Variants in DDX60 observed in about 807,000 individuals in gnomAD.
DDX60 encodes the protein probable ATP-dependent RNA helicase DDX60.
A neutral mutation model predicts 212.8 loss-of-function variants in DDX60; 165 were observed. The ratio of observed to expected loss-of-function variants is 0.78; its 90% CI spans 0.68 to 0.88. DDX60 has a LOEUF of 0.88. Ranked by LOEUF, DDX60 falls within the 40% of genes least tolerant of loss-of-function variation. The pLI is 0.00. For missense variants in DDX60, 1,905 were observed against 2,003.9 expected, an observed-to-expected ratio of 0.95 and a Z score of 0.94; for synonymous variants, 703 against 685.3, an observed-to-expected ratio of 1.03 and a Z score of -0.40.
In DDX60 at chr4:168,278,994, C is replaced by T. The variant is rs181233454; in HGVS notation, c.1978+1341G>A. 2.8e-4 allele frequency among the ~76,000 whole-genome samples: 43 copies of T among 152,184 alleles called. 1 individual carries two copies. Among genetic ancestry groups the T allele is most frequent in the South Asian group, 1.5e-3 (7 of 4,820 alleles). Reference sequence around the variant, plus strand: ...AACCAGGCTCTTCTGGAAGAAGATGCCCAATAGAACCTACACATTCATAAA... The same window carrying T: ...AACCAGGCTCTTCTGGAAGAAGATGTCCAATAGAACCTACACATTCATAAA... On this transcript the variant is annotated intron_variant, in intron 14 of 37. Transcript: ENST00000393743.
intron 30 of DDX60, among the ~76,000 whole-genome samples, chr4:168,242,675 G>C (rs560384482): frequency 6.6e-6 from 1 of 152,282 alleles, no homozygotes; most frequent in African/African-American, 2.4e-5. Flanking sequence ...ACTTGCTTTT[G>C]ATTTTACTAG....
At chr4:168,277,329 C>T (rs896707462) in intron 14 of DDX60, among the ~76,000 whole-genome samples, 3 of 152,148 alleles carry the variant, frequency 2.0e-5, no homozygotes, top group African/African-American at 4.8e-5. Context: ...CAGATTCTTC[C>T]TGGGTGCCTC....
At position 168,237,290 on chromosome 4, in the gene DDX60, C is replaced by T. The variant is rs750482016; in HGVS notation, c.4407G>A (p.Arg1469=). ...GLFHDLCQPT[R]KGSKHFSQDV... ...TATATAAAATCTCAAGCTTACCTTT[C>T]CTGGTTGGCTGACAGAGATCATGGA... Residue 1469 remains arginine, a synonymous_variant, in exon 32 of 38, where the codon AGG becomes AGA. Coordinates refer to ENST00000393743, the MANE Select transcript of DDX60 (RefSeq NM_017631.6). 96 of 1,541,134 alleles carry T rather than the reference C, an allele frequency of 6.2e-5. 1 individual carries two copies. Among genetic ancestry groups the T allele is most frequent in the South Asian group, 2.0e-4 (15 of 75,466 alleles).
At chr4:168,232,213 T>C (rs917317126) in intron 33 of DDX60, among the ~76,000 whole-genome samples, 1 of 151,858 alleles carries the variant, frequency 6.6e-6, no homozygotes, top group East Asian at 1.9e-4. Context: ...AAAGAAATAA[T>C]AGATATCACA....
At chr4:168,296,612 A>G (rs1736352537) in intron 6 of DDX60, among the ~76,000 whole-genome samples, 1 of 152,102 alleles carries the variant, frequency 6.6e-6, no homozygotes, top group East Asian at 1.9e-4. Flanking sequence ...ATTAAATTAT[A>G]TTAAATTAAT....
At chr4:168,222,243 C>T (rs571446962) in intron 35 of DDX60, among the ~76,000 whole-genome samples, 2 of 152,250 alleles carry the variant, frequency 1.3e-5, no homozygotes, top group South Asian at 4.1e-4. Context: ...GAGGATTATA[C>T]ATCACAAGAA....
chr4:168,218,351 C>T (rs1429194335), intron 37 of DDX60, among the ~76,000 whole-genome samples: 1 of 152,120 alleles, frequency 6.6e-6, no homozygotes, highest in African/African-American at 2.4e-5. Flanking sequence ...CCTATACATC[C>T]TTAACAAAAA....
At position 168,236,308 on chromosome 4, in the gene DDX60, T is replaced by C; in HGVS notation, c.4477A>G (p.Arg1493Gly). ...LVLVLAHLFGRRYFPPKFQDA... is the reference protein window; with the variant it reads ...LVLVLAHLFGGRYFPPKFQDA... ...TGGAACTTTGGTGGAAAATATCTTCTTCCAAAGAGATGTGCCAATACTAAT... is the reference window on the plus strand; with the variant it reads ...TGGAACTTTGGTGGAAAATATCTTCCTCCAAAGAGATGTGCCAATACTAAT... The change falls in exon 33 of 38, where the codon AGA (arginine) becomes GGA (glycine). Residue 1493 changes from arginine to glycine, a missense_variant. Arg to Gly is a moderately radical substitution (Grantham distance 125). Transcript: ENST00000393743. The C allele has an allele frequency of 6.2e-7, 1 of 1,610,934 alleles. No homozygotes were observed. Among genetic ancestry groups the C allele is most frequent in the Non-Finnish European group, 8.5e-7 (1 of 1,178,196 alleles).
At chr4:168,294,066 A>C in intron 6 of DDX60, 121 bp from the exon 7 acceptor site, 1 of 830,220 alleles carries the variant, frequency 1.2e-6, no homozygotes, top group Non-Finnish European at 1.8e-6. Context: ...TCTGTACAAC[A>C]AACCCCCGTG....
At chr4:168,242,733 G>A (rs567404953) in intron 30 of DDX60, among the ~76,000 whole-genome samples, 25 of 152,268 alleles carry the variant, frequency 1.6e-4, no homozygotes, top group African/African-American at 5.8e-4. Context: ...ACTTTGGACT[G>A]TGGAGTTTTG....
At position 168,237,748 on chromosome 4, in the gene DDX60, T is replaced by G; in HGVS notation, c.4212A>C (p.Arg1404Ser). Residue 1404 changes from arginine to serine, a missense_variant, in exon 31 of 38, where the codon AGA becomes AGC. Coordinates refer to ENST00000393743, the MANE Select transcript of DDX60 (RefSeq NM_017631.6). ...KHSLLSFKQP[R>S]VMDMLKLYFL... Reference sequence around the variant, plus strand: ...AGTAAAGTTTTAACATGTCCATGACTCTGGGTTGCTTGAAGGACAGCAATG... The same window carrying G: ...AGTAAAGTTTTAACATGTCCATGACGCTGGGTTGCTTGAAGGACAGCAATG... 1 of 1,611,982 alleles carries G rather than the reference T, an allele frequency of 6.2e-7. No individual in the cohort carries two copies. The highest frequency in any genetic ancestry group is 2.2e-5 in the East Asian group (1 of 44,712).
Position 168,306,517 on chromosome 4 carries a change from C to T in DDX60, c.468G>A (p.Gln156=). ...ADEGLNDLQT[Q]LFNFLIIHSW... ...AATGAATGATTAAAAAGTTGAAAAGCTGTGTTTGTAGATCGTTCAGGCCTT... is the reference window on the plus strand; with the variant it reads ...AATGAATGATTAAAAAGTTGAAAAGTTGTGTTTGTAGATCGTTCAGGCCTT... Residue 156 remains glutamine (Q), a synonymous_variant, in exon 5 of 38, where the codon CAG becomes CAA. Coordinates refer to ENST00000393743, the MANE Select transcript of DDX60 (RefSeq NM_017631.6). The T allele has an allele frequency of 6.2e-7, 1 of 1,614,162 alleles. No individual in the cohort carries two copies. The highest frequency in any genetic ancestry group is 8.5e-7 in the Non-Finnish European group (1 of 1,180,024).
chr4:168,324,029 T>C, the DDX60 span, among the ~76,000 whole-genome samples: 3 of 152,166 alleles, frequency 2.0e-5, no homozygotes, highest in Non-Finnish European at 4.4e-5. Context: ...CCCCAGGTAG[T>C]GTGGAGGCCT....
At position 168,252,625 on chromosome 4, in the gene DDX60, C is replaced by T. The variant is rs771568045; in HGVS notation, c.3589G>A (p.Val1197Met). 6.8e-6 allele frequency: 11 copies of T among 1,611,134 alleles called. 1 individual carries two copies. In the South Asian group the frequency reaches 1.0e-4, roughly 15 times the overall value. Residue 1197 changes from valine to methionine, a missense_variant, in exon 27 of 38, where the codon GTG becomes ATG. Val to Met is a conservative substitution (Grantham distance 21). Coordinates refer to ENST00000393743, the MANE Select transcript of DDX60 (RefSeq NM_017631.6). The stretch of plus-strand genomic sequence containing the variant: ...GCTTCATGTATTAGGCTTTGATCCA[C>T]ATTTCTGGTTTTTTTCTGGCTCTTT... ...DEKSQKKTRN[V>M]DQSLIHEAEH...
Position 168,221,857 on chromosome 4 carries a change from T to C in DDX60, c.4849A>G (p.Asn1617Asp). Residue 1617 changes from asparagine to aspartate, a missense_variant, in exon 36 of 38, where the codon AAT becomes GAT. Transcript: ENST00000393743. ...NHVTLGTIGV[N>D]RSQAPVLLSQ... Reference sequence around the variant, plus strand: ...AACAGCACTGGAGCCTGAGAGCGATTGACACCGATTGTGCCTAGAGTAACC... The same window carrying C: ...AACAGCACTGGAGCCTGAGAGCGATCGACACCGATTGTGCCTAGAGTAACC... 1 of 1,612,998 alleles carries C rather than the reference T, an allele frequency of 6.2e-7. No individual in the cohort carries two copies.
chr4:168,306,614 G>A lies in DDX60; in HGVS notation c.371C>T (p.Ser124Leu), dbSNP rs758196490. Residue 124 changes from serine to leucine, a missense_variant, in exon 5 of 38, where the codon TCG becomes TTG. By Grantham distance (145) the Ser-to-Leu change is moderately radical. Coordinates refer to ENST00000393743, the MANE Select transcript of DDX60 (RefSeq NM_017631.6). ...NTTIDVRTTFSRCLSKEWGSF... is the reference protein window; with the variant it reads ...NTTIDVRTTFLRCLSKEWGSF... ...TCCCCACTCTTTTGATAAGCATCTC[G>A]AAAATGTTGTTCGAACATCAATGGT... 8.1e-6 allele frequency: 13 copies of A among 1,614,072 alleles called. No homozygotes were observed. Among genetic ancestry groups the A allele is most frequent in the Admixed American group, 1.7e-5 (1 of 60,024 alleles).
At chr4:168,250,821 G>C in intron 28 of DDX60, 133 bp downstream of exon 28, 1 of 749,836 alleles carries the variant, frequency 1.3e-6, no homozygotes, top group Non-Finnish European at 2.1e-6. Context: ...CATCACGCCC[G>C]GCCAACTTAT....
chr4:168,221,847 T>C lies in DDX60; in HGVS notation c.4859A>G (p.Gln1620Arg), dbSNP rs201609628. The change falls in exon 36 of 38, where the codon CAG becomes CGG. Residue 1620 changes from glutamine (Q) to arginine (R), a missense_variant. Gln to Arg is a conservative substitution (Grantham distance 43). Coordinates refer to ENST00000393743, the MANE Select transcript of DDX60 (RefSeq NM_017631.6). ...TLGTIGVNRSQAPVLLSQKFD... is the reference protein window; with the variant it reads ...TLGTIGVNRSRAPVLLSQKFD... ...TTTCTGTGACAACAGCACTGGAGCCTGAGAGCGATTGACACCGATTGTGCC... is the reference window on the plus strand; with the variant it reads ...TTTCTGTGACAACAGCACTGGAGCCCGAGAGCGATTGACACCGATTGTGCC... 3 of 1,613,044 alleles carry C rather than the reference T, an allele frequency of 1.9e-6. No individual in the cohort carries two copies. The highest frequency in any genetic ancestry group is 1.7e-6 in the Non-Finnish European group (2 of 1,179,338).
At chr4:168,237,250 C>A in intron 32 of DDX60, 36 bp downstream of exon 32, 1 of 1,359,696 alleles carries the variant, frequency 7.4e-7, no homozygotes. Context: ...TTTTTGGACT[C>A]TCTCTCTACA....
Sources: gnomAD v4.1 joint callset for allele counts (sites outside exome capture counted in the v4.1 genomes callset) on GRCh38, gnomAD v4.1.1 for gene constraint, MANE v1.5 for transcripts, NCBI Gene and HGNC (gene_info 2026-07-23, HGNC 2026-07-21) for gene names.